The following MYO6 variants were observed in gnomAD, a reference collection of about 807,000 sequenced individuals.
MYO6 encodes the protein unconventional myosin-VI.
A neutral mutation model predicts 178.7 loss-of-function variants in MYO6; 74 were observed. That is an observed-to-expected ratio of 0.41 (90% CI 0.34 to 0.50). MYO6 has a LOEUF of 0.50. Among genes scored for constraint, MYO6 ranks in the 20% least tolerant of loss-of-function variants. The pLI is 0.09. For synonymous variants in MYO6, 477 were observed against 504.6 expected (o/e 0.95, Z 0.73); for missense variants, 1,330 against 1,547.4 (o/e 0.86, Z 2.36).
At position 75,914,860 on chromosome 6, in the gene MYO6, C is replaced by T; in HGVS notation, c.3706C>T (p.Leu1236=). The change falls in exon 35 of 35, where the codon CTG becomes TTG. Residue 1236 remains leucine, a synonymous_variant. Transcript: ENST00000369977. ...TGAGCTGAATCTTGAGGAGACTGGC[C>T]TGACTCGGAAGCGTGGTGCTGAGAT... The part of the protein sequence containing the change: ...MCELNLEETG[L]TRKRGAEILP... The T allele has an allele frequency of 6.2e-7, 1 of 1,614,126 alleles. No homozygotes were observed. Among genetic ancestry groups the T allele is most frequent in the Non-Finnish European group, 8.5e-7 (1 of 1,180,006 alleles).
chr6:75,898,282 A>G (rs1008408386), intron 29 of MYO6, 91 bp from the exon 30 acceptor site: 6 of 826,884 alleles, frequency 7.3e-6, no homozygotes, highest in Admixed American at 4.8e-5. Flanking sequence ...AATATTGAAA[A>G]TATATATTTT....
At chr6:75,776,787 A>G (rs559531515) in intron 1 of MYO6, among the ~76,000 whole-genome samples, 33 of 151,984 alleles carry the variant, frequency 2.2e-4, no homozygotes, top group Non-Finnish European at 3.5e-4. Flanking sequence ...TGCTGAAACT[A>G]TAGGTCTGAG....
intron 22 of MYO6, among the ~76,000 whole-genome samples, chr6:75,880,547 A>G (rs1034797882): frequency 6.6e-6 from 1 of 152,210 alleles, no homozygotes; most frequent in African/African-American, 2.4e-5. Context: ...GTTGGGCCTC[A>G]TTCAAAGCTG....
At chr6:75,872,085 C>T (rs370125284) in intron 19 of MYO6, among the ~76,000 whole-genome samples, 27 of 151,894 alleles carry the variant, frequency 1.8e-4, no homozygotes, top group East Asian at 7.7e-4. Context: ...GCCAAGATCA[C>T]GCCACTGCAC....
intron 1 of MYO6, among the ~76,000 whole-genome samples, chr6:75,779,785 A>G (rs937944415): frequency 6.6e-6 from 1 of 152,168 alleles, no homozygotes; most frequent in African/African-American, 2.4e-5. Flanking sequence ...CTTGCCTGCT[A>G]TTCGTTTAGT....
chr6:75,765,170 CTTTTTTT>C (rs71002762), intron 1 of MYO6, among the ~76,000 whole-genome samples: 1 of 57,684 alleles, frequency 1.7e-5, no homozygotes, highest in Non-Finnish European at 2.9e-5. Context: ...AAAAAAAAAG[CTTTTTTT>C]TTTTTTTTTT....
chr6:75,880,471 G>C (rs1321017944), intron 22 of MYO6, among the ~76,000 whole-genome samples: 1 of 152,132 alleles, frequency 6.6e-6, no homozygotes, highest in Non-Finnish European at 1.5e-5. Flanking sequence ...GATAGCTGAT[G>C]AGCTAAATAA....
intron 30 of MYO6, among the ~76,000 whole-genome samples, chr6:75,903,799 G>A (rs1430365003): frequency 6.6e-6 from 1 of 151,896 alleles, no homozygotes. Flanking sequence ...TTGCTAGTTA[G>A]TTGATGCAGT....
intron 11 of MYO6, among the ~76,000 whole-genome samples, chr6:75,852,991 C>T (rs1775410542): frequency 6.6e-6 from 1 of 152,174 alleles, no homozygotes; most frequent in South Asian, 2.1e-4. Context: ...TCAGTTTCTC[C>T]ATATCCTCAC....
chr6:75,890,029 A>T, intron 25 of MYO6, 28 bp from the exon 26 acceptor site: 1 of 1,493,632 alleles, frequency 6.7e-7, no homozygotes, highest in South Asian at 1.1e-5. Context: ...ATAAGCTTTT[A>T]CGTACCTATT....
At chr6:75,755,353 A>G (rs776664695) in intron 1 of MYO6, among the ~76,000 whole-genome samples, 5 of 152,174 alleles carry the variant, frequency 3.3e-5, no homozygotes, top group African/African-American at 4.8e-5. Flanking sequence ...CCTATTGCTT[A>G]TGTATTTAAC....
chr6:75,866,171 T>G lies in MYO6; in HGVS notation c.1675-355T>G, dbSNP rs78754911. The stretch of plus-strand genomic sequence containing the variant: ...GTGGTTAACTCTGTAAAATGCCAAC[T>G]GGGTTTTGCATGTGCTTTTAAAAAA... On this transcript the variant is annotated intron_variant, in intron 16 of 34. Coordinates refer to ENST00000369977, the MANE Select transcript of MYO6 (RefSeq NM_004999.4). Among the ~76,000 whole-genome samples the G allele has an allele frequency of 3.6e-4, 55 of 152,268 alleles. No individual in the cohort carries two copies. The East Asian group carries it at 0.01, about 28-fold the overall frequency.
At chr6:75,828,724 G>C (rs1772750065) in intron 4 of MYO6, 111 bp downstream of exon 4, 4 of 784,988 alleles carry the variant, frequency 5.1e-6, no homozygotes. Context: ...CTTGATCTGA[G>C]CCTCTTGAAT....
chr6:75,865,419 A>G (rs2149307148), intron 16 of MYO6: 1 of 123,406 alleles, frequency 8.1e-6, no homozygotes, highest in African/African-American at 3.2e-5. Context: ...GTTGGAGTGC[A>G]GTGGTTCTTT....
chr6:75,907,478 A>C, intron 30 of MYO6, 127 bp from the exon 31 acceptor site: 1 of 733,768 alleles, frequency 1.4e-6, no homozygotes. Context: ...TCTGTCAAAG[A>C]AACAAAAATT....
chr6:75,872,749 C>G (rs1026744088), intron 19 of MYO6, among the ~76,000 whole-genome samples: 1 of 150,470 alleles, frequency 6.6e-6, no homozygotes, highest in Admixed American at 6.6e-5. Context: ...TCATTGTAAG[C>G]TTTAAAGCAG....
chr6:75,800,213 C>T (rs1025556354), intron 1 of MYO6, among the ~76,000 whole-genome samples: 5 of 152,046 alleles, frequency 3.3e-5, no homozygotes, highest in Non-Finnish European at 5.9e-5. Flanking sequence ...CTTACTTTCA[C>T]GAAAGAAAAT....
At chr6:75,753,057 G>T (rs1720946306) in intron 1 of MYO6, among the ~76,000 whole-genome samples, 1 of 152,066 alleles carries the variant, frequency 6.6e-6, no homozygotes, top group Non-Finnish European at 1.5e-5. Context: ...TCTATGGTCT[G>T]TGGAATATCC....
chr6:75,897,140 C>T (rs575748107), intron 29 of MYO6, among the ~76,000 whole-genome samples: 1 of 152,244 alleles, frequency 6.6e-6, no homozygotes, highest in South Asian at 2.1e-4. Context: ...CCCTTAAAAC[C>T]TACCATGGGA....
Sources: allele counts gnomAD v4.1 joint callset (sites outside exome capture counted in the v4.1 genomes callset), GRCh38; gene constraint gnomAD v4.1.1; transcripts MANE v1.5; gene names NCBI Gene and HGNC (gene_info 2026-07-23, HGNC 2026-07-21).